Variants in CHMP3 observed in about 807,000 individuals in gnomAD.
CHMP3 encodes the protein charged multivesicular body protein 3.
A neutral mutation model predicts 27.4 loss-of-function variants in CHMP3; 8 were observed. That is an observed-to-expected ratio of 0.29 (90% CI 0.17 to 0.53). The LOEUF is 0.53. Among genes scored for constraint, CHMP3 ranks in the 20% least tolerant of loss-of-function variants. The probability of loss-of-function intolerance (pLI) is 0.96; values close to 1 mark genes in which losing one functional copy is unlikely to be tolerated. For missense variants in CHMP3, 208 were observed against 271.5 expected (o/e 0.77, Z 1.64); for synonymous variants, 86 against 85.5 (o/e 1.01, Z -0.03).
At chr2:86,526,678 C>CTA (rs1413422440) in intron 3 of CHMP3, among the ~76,000 whole-genome samples, 2,519 of 150,522 alleles carry the variant, frequency 0.017, 32 homozygotes, top group Middle Eastern at 0.038. Flanking sequence ...CTCTCTCTCT[C>CTA]TCTCTATATA....
At chr2:86,549,352 C>G (rs930676403) in intron 1 of CHMP3, among the ~76,000 whole-genome samples, 1 of 142,830 alleles carries the variant, frequency 7.0e-6, no homozygotes, top group Non-Finnish European at 1.5e-5. Context: ...CGGGCAGAGA[C>G]GCTCCTCACT....
chr2:86,525,519 C>G (rs953551487), intron 3 of CHMP3, among the ~76,000 whole-genome samples: 1 of 148,860 alleles, frequency 6.7e-6, no homozygotes, highest in Non-Finnish European at 1.5e-5. Flanking sequence ...GGCGACAGTG[C>G]GAGATCTTGT....
At chr2:86,561,271 G>A (rs1344779707) in intron 1 of CHMP3, among the ~76,000 whole-genome samples, 1 of 152,124 alleles carries the variant, frequency 6.6e-6, no homozygotes, top group Non-Finnish European at 1.5e-5. Context: ...CCTAAATACT[G>A]TATGCCTCAG....
At chr2:86,541,607 C>A (rs1676364086) in intron 2 of CHMP3, among the ~76,000 whole-genome samples, 1 of 152,138 alleles carries the variant, frequency 6.6e-6, no homozygotes, top group South Asian at 2.1e-4. Context: ...CCCTGTACTG[C>A]CAGCTGCCCA....
At chr2:86,553,813 T>C (rs1255686300) in intron 1 of CHMP3, among the ~76,000 whole-genome samples, 5 of 152,216 alleles carry the variant, frequency 3.3e-5, no homozygotes, top group East Asian at 1.9e-4. Flanking sequence ...AGATGCAATA[T>C]GAAATGTTGC....
At chr2:86,520,394 T>C (rs977492463) in intron 3 of CHMP3, among the ~76,000 whole-genome samples, 1 of 151,306 alleles carries the variant, frequency 6.6e-6, no homozygotes, top group African/African-American at 2.4e-5. Context: ...GAGAGAGAGA[T>C]AGGGGAGGTG....
rs575967223 is a variant in CHMP3 at position 86,517,251 on chromosome 2, G to A, written c.287-6772C>T. ...CCATGTTGTAATATCAACAACTAAC[G>A]CTGGAAGCAAAATAACTAAAAAATT... On this transcript the variant is annotated intron_variant, in intron 3 of 5. Coordinates refer to ENST00000263856, the MANE Select transcript of CHMP3 (RefSeq NM_016079.4). Among the ~76,000 whole-genome samples, 16 of 152,166 alleles carry A rather than the reference G, an allele frequency of 1.1e-4. No individual in the cohort carries two copies. In the South Asian group the frequency reaches 2.7e-3, roughly 26 times the overall value.
intron 3 of CHMP3, among the ~76,000 whole-genome samples, chr2:86,517,949 A>G (rs749115311): frequency 2.0e-5 from 3 of 152,132 alleles, no homozygotes; most frequent in Non-Finnish European, 2.9e-5. Flanking sequence ...TAAGCCACGG[A>G]GGTTGAGGCT....
chr2:86,505,891 T>C lies in CHMP3; in HGVS notation c.582A>G (p.Pro194=). ...CATCCTCTGAGGCAGCCATCGCTCCTGGAGGTTCTGGCTCTGGAAGGGCAT... is the reference window on the plus strand; with the variant it reads ...CATCCTCTGAGGCAGCCATCGCTCCCGGAGGTTCTGGCTCTGGAAGGGCAT... ...VTDALPEPEP[P]GAMAASEDEE... Residue 194 remains proline (P), a synonymous_variant, in exon 6 of 6, where the codon CCA becomes CCG. Transcript: ENST00000263856. 1 of 1,597,378 alleles carries C rather than the reference T, an allele frequency of 6.3e-7. No homozygotes were observed.
At chr2:86,548,343 C>T (rs774507798) in intron 1 of CHMP3, among the ~76,000 whole-genome samples, 1 of 152,132 alleles carries the variant, frequency 6.6e-6, no homozygotes, top group Non-Finnish European at 1.5e-5. Context: ...CGGCCTTCCG[C>T]AGTATTTGTG....
chr2:86,550,300 CG>C (rs1558660934), intron 1 of CHMP3, among the ~76,000 whole-genome samples: 1 of 151,830 alleles, frequency 6.6e-6, no homozygotes, highest in African/African-American at 2.4e-5. Flanking sequence ...CACGGGAGCC[CG>C]GGGCAGGGAG....
At chr2:86,559,586 C>T (rs186970044) in intron 1 of CHMP3, among the ~76,000 whole-genome samples, 6 of 152,342 alleles carry the variant, frequency 3.9e-5, no homozygotes, top group Admixed American at 3.3e-4. Context: ...TCTTTGTTCA[C>T]AAGTCACAGG....
chr2:86,535,149 G>A (rs1676076847), intron 2 of CHMP3, among the ~76,000 whole-genome samples: 1 of 151,820 alleles, frequency 6.6e-6, no homozygotes, highest in African/African-American at 2.4e-5. Flanking sequence ...CCAGGTACTT[G>A]GCAGGCTGAG....
chr2:86,514,690 CA>C (rs1675228710), intron 3 of CHMP3, among the ~76,000 whole-genome samples: 1 of 152,110 alleles, frequency 6.6e-6, no homozygotes, highest in African/African-American at 2.4e-5. Context: ...AATCTATAAA[CA>C]AAGCATTATT....
chr2:86,546,810 T>C (rs917808918), intron 1 of CHMP3, among the ~76,000 whole-genome samples: 9 of 152,232 alleles, frequency 5.9e-5, no homozygotes, highest in Non-Finnish European at 1.2e-4. Context: ...ATTCATATCT[T>C]CTGCCCATTT....
chr2:86,520,134 T>G (rs1259378283), intron 3 of CHMP3, among the ~76,000 whole-genome samples: 2 of 152,198 alleles, frequency 1.3e-5, no homozygotes, highest in African/African-American at 2.4e-5. Flanking sequence ...AAGAAATTGG[T>G]GAACAATTAC....
At chr2:86,553,670 C>T (rs1189796955) in intron 1 of CHMP3, among the ~76,000 whole-genome samples, 1 of 152,152 alleles carries the variant, frequency 6.6e-6, no homozygotes, top group Non-Finnish European at 1.5e-5. Context: ...CAGCCAAACA[C>T]AAACCTCGCT....
chr2:86,559,192 C>A (rs1677249985), intron 1 of CHMP3, among the ~76,000 whole-genome samples: 6 of 152,186 alleles, frequency 3.9e-5, no homozygotes, highest in Admixed American at 3.3e-4. Flanking sequence ...AGAAGAAAGG[C>A]AAATTCTTGC....
intron 1 of CHMP3, chr2:86,562,180 C>T (rs1677398699): frequency 6.6e-6 from 1 of 152,204 alleles, no homozygotes; most frequent in Non-Finnish European, 1.5e-5. Flanking sequence ...CATTAACGCA[C>T]ATTATGTGCC....
Sources: allele counts gnomAD v4.1 joint callset (sites outside exome capture counted in the v4.1 genomes callset), GRCh38; gene constraint gnomAD v4.1.1; transcripts MANE v1.5; gene names NCBI Gene and HGNC (gene_info 2026-07-23, HGNC 2026-07-21).